Variants in KCNIP4 observed in about 807,000 individuals in gnomAD.
KCNIP4 encodes the protein potassium voltage-gated channel interacting protein 4, also known as Kv channel-interacting protein 4.
A neutral mutation model predicts 34.0 loss-of-function variants in KCNIP4; 12 were observed. That is an observed-to-expected ratio of 0.35 (90% CI 0.23 to 0.57). The LOEUF (loss-of-function observed/expected upper bound fraction) is 0.57, where lower values mean the gene tolerates loss of function less well. Among genes scored for constraint, KCNIP4 ranks in the 20% least tolerant of loss-of-function variants. The pLI, the probability that KCNIP4 is intolerant of heterozygous loss-of-function variation, is 0.83. For missense variants in KCNIP4, 238 were observed against 311.7 expected (o/e 0.76, Z 1.78); for synonymous variants, 124 against 102.2 (o/e 1.21, Z -1.29).
At chr4:21,351,966 A>G (rs191605544) in intron 1 of KCNIP4, among the ~76,000 whole-genome samples, 2 of 152,284 alleles carry the variant, frequency 1.3e-5, no homozygotes, top group Admixed American at 6.5e-5. Flanking sequence ...ATCAGCCTTG[A>G]AACTAATCAC....
intron 3 of KCNIP4, among the ~76,000 whole-genome samples, chr4:20,812,468 G>T (rs1233437464): frequency 6.6e-6 from 1 of 152,162 alleles, no homozygotes; most frequent in African/African-American, 2.4e-5. Flanking sequence ...GTTAGACACT[G>T]GGATATGAGT....
chr4:21,150,644 C>T (rs1225130355), intron 1 of KCNIP4, among the ~76,000 whole-genome samples: 1 of 152,094 alleles, frequency 6.6e-6, no homozygotes, highest in African/African-American at 2.4e-5. Flanking sequence ...CCTCTAAGAC[C>T]ATTTGTGAGT....
chr4:21,215,879 C>A (rs1220278640), intron 1 of KCNIP4, among the ~76,000 whole-genome samples: 1 of 152,062 alleles, frequency 6.6e-6, no homozygotes, highest in African/African-American at 2.4e-5. Context: ...TGTAGTGGAT[C>A]CTCCATGGCC....
intron 1 of KCNIP4, among the ~76,000 whole-genome samples, chr4:21,595,540 G>T (rs550322861): frequency 6.6e-6 from 1 of 151,906 alleles, no homozygotes; most frequent in Non-Finnish European, 1.5e-5. Context: ...TAGTATTTCT[G>T]GTTCCAGATC....
intron 1 of KCNIP4, among the ~76,000 whole-genome samples, chr4:21,740,661 C>T (rs947963059): frequency 3.3e-5 from 5 of 152,034 alleles, no homozygotes; most frequent in African/African-American, 7.2e-5. Context: ...AATAACTTTG[C>T]TAAGTTTCCA....
intron 1 of KCNIP4, among the ~76,000 whole-genome samples, chr4:21,266,022 CAAT>C (rs775923352): frequency 7.2e-5 from 11 of 152,086 alleles, no homozygotes; most frequent in Non-Finnish European, 1.6e-4. Flanking sequence ...TATTATCTCA[CAAT>C]AATTCAATAA....
intron 2 of KCNIP4, among the ~76,000 whole-genome samples, chr4:20,862,494 C>G (rs981920177): frequency 3.9e-5 from 6 of 151,906 alleles, no homozygotes; most frequent in African/African-American, 1.5e-4. Context: ...AAGGCAAAAG[C>G]TGAGAGGGAT....
intron 1 of KCNIP4, among the ~76,000 whole-genome samples, chr4:21,779,788 A>G (rs1470086716): frequency 6.6e-6 from 1 of 152,032 alleles, no homozygotes; most frequent in East Asian, 1.9e-4. Context: ...TTAGCCAGGC[A>G]TGGTGGCACA....
At position 21,825,925 on chromosome 4, in the gene KCNIP4, A is replaced by T. The variant is rs972444958; in HGVS notation, c.61+122646T>A. On this transcript the variant is annotated intron_variant, in intron 1 of 8. Coordinates refer to ENST00000382152, the MANE Select transcript of KCNIP4 (RefSeq NM_025221.6). ...GAATCAGGGACCCCTTAGGGAGATG[A>T]CATTTAAGATGAGACCCGAATAAAA... Among the ~76,000 whole-genome samples the T allele has an allele frequency of 2.1e-4, 32 of 152,176 alleles. 1 individual carries two copies. Among genetic ancestry groups the T allele is most frequent in the African/African-American group, 7.7e-4 (32 of 41,448 alleles).
intron 1 of KCNIP4, among the ~76,000 whole-genome samples, chr4:21,775,045 C>T (rs1004260409): frequency 2.6e-5 from 4 of 152,088 alleles, no homozygotes; most frequent in Non-Finnish European, 5.9e-5. Context: ...TTTGGGTTTT[C>T]AGCATTTTTT....
At chr4:21,726,692 T>C (rs1166141462) in intron 1 of KCNIP4, among the ~76,000 whole-genome samples, 2 of 152,190 alleles carry the variant, frequency 1.3e-5, no homozygotes, top group Non-Finnish European at 2.9e-5. Context: ...GCACTGTAAT[T>C]GCTTCTTTAA....
Position 21,948,680 on chromosome 4 carries a change from G to T in KCNIP4, c.-49C>A. ...GCGAGACTCGAGAGTCCACCGGCCA[G>T]GGGCGTCTGTCCACGGGTCTGCACG... is the stretch of plus-strand genomic sequence containing the variant. On this transcript the variant is annotated 5_prime_UTR_variant, in exon 1 of 9. In the 5' UTR this introduces an upstream ATG that the reference lacks. Coordinates refer to ENST00000382152, the MANE Select transcript of KCNIP4 (RefSeq NM_025221.6). 1 of 1,594,662 alleles carries T rather than the reference G, an allele frequency of 6.3e-7. No individual in the cohort carries two copies. Among genetic ancestry groups the T allele is most frequent in the Non-Finnish European group, 8.6e-7 (1 of 1,169,574 alleles).
At chr4:21,443,456 G>T (rs1392792770) in intron 1 of KCNIP4, among the ~76,000 whole-genome samples, 1 of 152,150 alleles carries the variant, frequency 6.6e-6, no homozygotes, top group Admixed American at 6.5e-5. Context: ...TGCTGTGAAG[G>T]TATTTTTAAA....
Position 21,240,994 on chromosome 4 carries a change from G to C in KCNIP4, c.62-358285C>G, listed in dbSNP as rs148388297. Among the ~76,000 whole-genome samples, 32 of 152,114 alleles carry C rather than the reference G, an allele frequency of 2.1e-4. 1 individual carries two copies. Among genetic ancestry groups the C allele is most frequent in the African/African-American group, 7.0e-4 (29 of 41,516 alleles). On this transcript the variant is annotated intron_variant, in intron 1 of 8. Coordinates refer to ENST00000382152, the MANE Select transcript of KCNIP4 (RefSeq NM_025221.6). ...AAGTGCAAAATAAGAACCAAATTAG[G>C]CCAAAATAAGGAACTAGTTAGATAA...
intron 1 of KCNIP4, among the ~76,000 whole-genome samples, chr4:21,378,245 T>C (rs961611477): frequency 6.6e-6 from 1 of 152,220 alleles, no homozygotes; most frequent in Non-Finnish European, 1.5e-5. Context: ...TCTTGAGATT[T>C]CAAGCTTTCA....
intron 1 of KCNIP4, among the ~76,000 whole-genome samples, chr4:21,824,479 C>A (rs1002081318): frequency 1.9e-4 from 29 of 152,150 alleles, no homozygotes; most frequent in African/African-American, 7.0e-4. Context: ...CTACTACCAA[C>A]CAGACCAGTA....
intron 1 of KCNIP4, among the ~76,000 whole-genome samples, chr4:21,648,383 G>A (rs910287387): frequency 6.6e-6 from 1 of 152,118 alleles, no homozygotes; most frequent in African/African-American, 2.4e-5. Flanking sequence ...AGCAGTAAGA[G>A]CTCATTGTAT....
chr4:21,239,565 G>A (rs892219255), intron 1 of KCNIP4, among the ~76,000 whole-genome samples: 1 of 152,128 alleles, frequency 6.6e-6, no homozygotes, highest in East Asian at 1.9e-4. Flanking sequence ...AGTGGGGAAG[G>A]ATATAAACAA....
At chr4:20,860,381 A>G (rs114885623) in intron 2 of KCNIP4, among the ~76,000 whole-genome samples, 4,716 of 152,240 alleles carry the variant, frequency 0.031, 107 homozygotes, top group Admixed American at 0.072. Flanking sequence ...CAGGTGATCC[A>G]TGGACCTCGG....
Sources: allele counts gnomAD v4.1 joint callset (sites outside exome capture counted in the v4.1 genomes callset), GRCh38; gene constraint gnomAD v4.1.1; transcripts MANE v1.5; gene names NCBI Gene and HGNC (gene_info 2026-07-23, HGNC 2026-07-21).